Variants in SIPA1L1 observed in about 807,000 individuals in gnomAD.
SIPA1L1 encodes the protein signal-induced proliferation-associated 1-like protein 1.
In SIPA1L1, 26 loss-of-function variants were observed where a neutral mutation model predicts 162.7. The ratio of observed to expected loss-of-function variants is 0.16; its 90% CI spans 0.12 to 0.22. The LOEUF is 0.22. SIPA1L1 is among the 10% of genes least tolerant of loss of function. SIPA1L1 has a pLI of 1.00. For synonymous variants in SIPA1L1, 829 were observed against 837.4 expected, an observed-to-expected ratio of 0.99 and a Z score of 0.17; for missense variants, 1,874 against 2,241.0, an observed-to-expected ratio of 0.84 and a Z score of 3.31.
intron 4 of SIPA1L1, among the ~76,000 whole-genome samples, chr14:71,538,158 C>T (rs532638288): frequency 6.6e-6 from 1 of 152,182 alleles, no homozygotes; most frequent in African/African-American, 2.4e-5. Context: ...ATTGAATCTT[C>T]TTCCCTACTG....
intron 2 of SIPA1L1, among the ~76,000 whole-genome samples, chr14:71,370,258 C>T (rs1026928923): frequency 7.9e-5 from 12 of 151,418 alleles, no homozygotes; most frequent in African/African-American, 2.7e-4. Context: ...AAAGGGAATG[C>T]TTCCAGTTTT....
intron 2 of SIPA1L1, among the ~76,000 whole-genome samples, chr14:71,327,342 C>T (rs546493872): frequency 1.3e-5 from 2 of 152,336 alleles, no homozygotes; most frequent in South Asian, 4.1e-4. Context: ...CCTCGGCCTC[C>T]CAGTGTGCTG....
rs1273402460 is a variant in SIPA1L1, at chr14:71,589,118, T to C, written c.1246T>C (p.Tyr416His). 1 of 1,614,006 alleles carries C rather than the reference T, an allele frequency of 6.2e-7. No homozygotes were observed. The highest frequency in any genetic ancestry group is 8.5e-7 in the Non-Finnish European group (1 of 1,179,988). The change falls in exon 5 of 24, where the codon TAT becomes CAT. Residue 416 changes from tyrosine to histidine, a missense_variant. Transcript: ENST00000381232. The part of the protein sequence containing the change: ...KSNELVMSCP[Y>H]FRNEIGGEGE... ...CAATGAGCTTGTAATGAGCTGTCCA[T>C]ATTTTCGGAATGAGATAGGTGGAGA...
intron 2 of SIPA1L1, among the ~76,000 whole-genome samples, chr14:71,406,022 G>A (rs1717874100): frequency 6.6e-6 from 1 of 152,162 alleles, no homozygotes; most frequent in Non-Finnish European, 1.5e-5. Context: ...AGGAATCTGG[G>A]GTAGCGTCTC....
At chr14:71,590,636 G>C (rs148193537) in intron 5 of SIPA1L1, among the ~76,000 whole-genome samples, 1 of 152,196 alleles carries the variant, frequency 6.6e-6, no homozygotes, top group East Asian at 1.9e-4. Flanking sequence ...CATATCTATA[G>C]CGTGGGTCTT....
chr14:71,723,776 C>G lies in SIPA1L1; in HGVS notation c.4338C>G (p.Ser1446=). The change falls in exon 18 of 24, where the codon TCC becomes TCG. Residue 1446 remains serine (S), a synonymous_variant. Coordinates refer to ENST00000381232, the MANE Select transcript of SIPA1L1 (RefSeq NM_001386936.1). The part of the protein sequence containing the change: ...APSFSSSSSS[S]SGPRSFYPRQ... ...CCTTCTCCTCCTCTTCCTCCTCCTC[C>G]TCTGGTCCTAGGAGTTTTTACCCTC... 6.2e-7 allele frequency: 1 copy of G among 1,614,260 alleles called. No individual in the cohort carries two copies. Among genetic ancestry groups the G allele is most frequent in the Non-Finnish European group, 8.5e-7 (1 of 1,180,052 alleles).
At position 71,448,464 on chromosome 14, in the gene SIPA1L1, G is replaced by A. The variant is rs964821871; in HGVS notation, c.-464-64279G>A. On this transcript the variant is annotated intron_variant, in intron 2 of 23. Coordinates refer to ENST00000381232, the MANE Select transcript of SIPA1L1 (RefSeq NM_001386936.1). Reference sequence around the variant, plus strand: ...TTTATGGGGCTAGTTGTGTTCCCAGGCATCTAACTCTAGCCACTGGAATTC... The same window carrying A: ...TTTATGGGGCTAGTTGTGTTCCCAGACATCTAACTCTAGCCACTGGAATTC... 3.9e-5 allele frequency among the ~76,000 whole-genome samples: 6 copies of A among 152,250 alleles called. 1 individual carries two copies. The highest frequency in any genetic ancestry group is 5.9e-5 in the Non-Finnish European group (4 of 68,022).
chr14:71,354,567 G>A (rs1183143235), intron 2 of SIPA1L1, among the ~76,000 whole-genome samples: 1 of 151,078 alleles, frequency 6.6e-6, no homozygotes, highest in Non-Finnish European at 1.5e-5. Context: ...GTGAGCCACC[G>A]CGCCTGGCCC....
chr14:71,691,689 A>G (rs1240071116), intron 13 of SIPA1L1, among the ~76,000 whole-genome samples: 1 of 152,014 alleles, frequency 6.6e-6, no homozygotes, highest in African/African-American at 2.4e-5. Context: ...TCTCCTCTGC[A>G]AGCACTATGT....
chr14:71,468,912 T>C (rs1181639751), intron 2 of SIPA1L1, among the ~76,000 whole-genome samples: 1 of 152,166 alleles, frequency 6.6e-6, no homozygotes, highest in East Asian at 1.9e-4. Flanking sequence ...AGTCATTCAT[T>C]TTGGATGAGT....
intron 19 of SIPA1L1, among the ~76,000 whole-genome samples, chr14:71,727,756 C>T (rs1316482811): frequency 1.3e-5 from 2 of 152,220 alleles, no homozygotes; most frequent in Non-Finnish European, 2.9e-5. Context: ...GCAAGGCAGG[C>T]AGGGGCTGCT....
At chr14:71,370,540 T>C (rs1336633466) in intron 2 of SIPA1L1, among the ~76,000 whole-genome samples, 1 of 152,188 alleles carries the variant, frequency 6.6e-6, no homozygotes, top group Non-Finnish European at 1.5e-5. Flanking sequence ...GACTGCTGTA[T>C]AATTGCCCTT....
At chr14:71,327,056 C>G (rs897789959) in intron 2 of SIPA1L1, among the ~76,000 whole-genome samples, 1 of 149,478 alleles carries the variant, frequency 6.7e-6, no homozygotes, top group Non-Finnish European at 1.5e-5. Context: ...TTAATAGTCT[C>G]TAGCTCCCAG....
intron 12 of SIPA1L1, among the ~76,000 whole-genome samples, chr14:71,673,487 TAC>T (rs2044745088): frequency 6.6e-6 from 1 of 152,224 alleles, no homozygotes; most frequent in Admixed American, 6.5e-5. Context: ...TGACCAGTCC[TAC>T]ACCTGAGCTC....
At chr14:71,473,286 CAT>C (rs1176487778) in intron 2 of SIPA1L1, among the ~76,000 whole-genome samples, 15 of 151,970 alleles carry the variant, frequency 9.9e-5, no homozygotes, top group African/African-American at 1.5e-4. Flanking sequence ...ATAATTATAA[CAT>C]AATATATAAC....
chr14:71,543,094 C>T (rs563555591), intron 4 of SIPA1L1, among the ~76,000 whole-genome samples: 1 of 151,436 alleles, frequency 6.6e-6, no homozygotes, highest in Non-Finnish European at 1.5e-5. Context: ...CTGGCTCTTT[C>T]CTGTCCTCTC....
intron 2 of SIPA1L1, among the ~76,000 whole-genome samples, chr14:71,363,635 T>A (rs770095394): frequency 6.6e-5 from 10 of 152,240 alleles, no homozygotes; most frequent in Admixed American, 1.3e-4. Flanking sequence ...TAAATGATTG[T>A]CATCTTTTGA....
intron 2 of SIPA1L1, among the ~76,000 whole-genome samples, chr14:71,452,902 A>G (rs1373048349): frequency 6.6e-6 from 1 of 152,158 alleles, no homozygotes; most frequent in Non-Finnish European, 1.5e-5. Flanking sequence ...CACAGAAACT[A>G]TTATTTTCCT....
intron 5 of SIPA1L1, among the ~76,000 whole-genome samples, chr14:71,603,942 TATATATATTTATATATATTTATATATAG>T (rs1307762445): frequency 7.1e-5 from 10 of 141,032 alleles, no homozygotes; most frequent in Admixed American, 4.3e-4. Flanking sequence ...TTTATATATC[TATATATATTTATATATATTTATATATAG>T]ATATATTTAT....
Sources: gnomAD v4.1 joint callset for allele counts (sites outside exome capture counted in the v4.1 genomes callset) on GRCh38, gnomAD v4.1.1 for gene constraint, MANE v1.5 for transcripts, NCBI Gene and HGNC (gene_info 2026-07-23, HGNC 2026-07-21) for gene names.